Variants in RPP21 observed in about 807,000 individuals in gnomAD.
RPP21 encodes ribonuclease P protein subunit p21.
Under a neutral mutation model 19.0 loss-of-function variants are expected in RPP21, and 21 were observed. That is an observed-to-expected ratio of 1.11 (90% CI 0.78 to 1.59). The LOEUF is 1.59. RPP21 is among the 40% of genes most tolerant of loss of function. The pLI, the probability that RPP21 is intolerant of heterozygous loss-of-function variation, is 0.00. For missense variants in RPP21, 215 were observed against 200.2 expected (o/e 1.07, Z -0.45); for synonymous variants, 93 against 78.7 (o/e 1.18, Z -0.96).
In RPP21 at chr6:30,345,539, C is replaced by T. The variant is rs766801815; in HGVS notation, c.207C>T (p.Leu69=). 109 of 1,584,124 alleles carry T rather than the reference C, an allele frequency of 6.9e-5. No individual in the cohort carries two copies. Among genetic ancestry groups the T allele is most frequent in the African/African-American group, 6.3e-4 (47 of 74,060 alleles). The change falls in exon 3 of 5, where the codon CTC becomes CTT. Residue 69 remains leucine (L), a synonymous_variant. Transcript: ENST00000442966. ...TCTGTCGAGGCTGCTCTTCCCTCCTCGTCCCGGGCCTCACCTGCACCCAGC... is the reference window on the plus strand; with the variant it reads ...TCTGTCGAGGCTGCTCTTCCCTCCTTGTCCCGGGCCTCACCTGCACCCAGC... The part of the protein sequence containing the change: ...RTLCRGCSSL[L]VPGLTCTQRQ...
chr6:30,345,765 G>T, intron 3 of RPP21, 192 bp downstream of exon 3: 1 of 662,636 alleles, frequency 1.5e-6, no homozygotes, highest in East Asian at 3.2e-5. Flanking sequence ...CTAGGGTTTG[G>T]GCTCGGCTGT....
chr6:30,346,010 T>G lies in RPP21; in HGVS notation c.242-422T>G. 1 of 229,432 alleles carries G rather than the reference T, an allele frequency of 4.4e-6. No homozygotes were observed. The highest frequency in any genetic ancestry group is 5.1e-5 in the Admixed American group (1 of 19,470). 14.2% of individuals were successfully genotyped at this position (229,432 alleles called of 1,614,324 possible). ...AGAAACAAAATGGTGTAGAAAAAGA[T>G]TAACTGGGGGAGTAGAATGCTCACT... is the stretch of plus-strand genomic sequence containing the variant. On this transcript the variant is annotated intron_variant, in intron 3 of 4. Coordinates refer to ENST00000442966, the MANE Select transcript of RPP21 (RefSeq NM_024839.4). The surrounding 1 kb of genome is among the most constrained non-coding windows in gnomAD (Gnocchi z 4.7).
chr6:30,346,529 G>A lies in RPP21; in HGVS notation c.339G>A (p.Arg113=), dbSNP rs1203277133. Reference sequence around the variant, plus strand: ...CCGGGCATTTACTCTGGGGAGACAGGCCTGAGGCCCAGCTCGGGAGCCAAG... The same window carrying A: ...CCGGGCATTTACTCTGGGGAGACAGACCTGAGGCCCAGCTCGGGAGCCAAG... ...NDPGHLLWGD[R]PEAQLGSQAD... is the part of the protein sequence containing the mutation. The change falls in exon 4 of 5, where the codon AGG becomes AGA. Residue 113 remains arginine, a synonymous_variant. Transcript: ENST00000442966. The surrounding 1 kb of genome is among the most constrained non-coding windows in gnomAD (Gnocchi z 4.7). The A allele has an allele frequency of 6.2e-7, 1 of 1,614,024 alleles. No individual in the cohort carries two copies. The highest frequency in any genetic ancestry group is 8.5e-7 in the Non-Finnish European group (1 of 1,180,024).
Position 30,346,314 on chromosome 6 carries a change from C to T in RPP21, c.242-118C>T. ...GGCCTGACACCATCAAATGTGCATTCAAATTGGGGGTGTGGTGGGGGAGCG... is the reference window on the plus strand; with the variant it reads ...GGCCTGACACCATCAAATGTGCATTTAAATTGGGGGTGTGGTGGGGGAGCG... On this transcript the variant is annotated intron_variant, in intron 3 of 4. Coordinates refer to ENST00000442966, the MANE Select transcript of RPP21 (RefSeq NM_024839.4). This position sits in a 1 kb window ranked among gnomAD's most constrained non-coding sequence, Gnocchi z 4.7. 1 of 1,511,520 alleles carries T rather than the reference C, an allele frequency of 6.6e-7. No homozygotes were observed. Among genetic ancestry groups the T allele is most frequent in the Non-Finnish European group, 8.9e-7 (1 of 1,119,892 alleles). 93.6% of individuals were successfully genotyped at this position (1,511,520 alleles called of 1,614,324 possible).
rs1395140419 is a variant in RPP21 at position 30,345,570 on chromosome 6, AGACGT to A, written c.241_241+4del. On this transcript the variant is annotated splice_donor_variant and coding_sequence_variant, in exon 3 of 5. Transcript: ENST00000442966. LOFTEE classifies it high-confidence loss of function. ...GGGCCTCACCTGCACCCAGCGCCAG[AGACGT>A]GAGTGCTCCAACGGAGGTGGAAGAC... 1 of 1,446,186 alleles carries A rather than the reference AGACGT, an allele frequency of 6.9e-7. No homozygotes were observed. Among genetic ancestry groups the A allele is most frequent in the South Asian group, 1.2e-5 (1 of 83,958 alleles). The allele number at this position is 1,446,186 out of a possible 1,614,324, so 89.6% of individuals were successfully genotyped here.
chr6:30,345,896 A>G (rs1788111112), intron 3 of RPP21: 5 of 355,492 alleles, frequency 1.4e-5, no homozygotes, highest in Middle Eastern at 1.5e-3. Flanking sequence ...CCATTCATTT[A>G]TTAAGCAAAT....
intron 3 of RPP21, 43 bp downstream of exon 3, chr6:30,345,616 G>T (rs1407784755): frequency 1.6e-5 from 24 of 1,471,546 alleles, no homozygotes; most frequent in Non-Finnish European, 2.0e-5. Context: ...AGCATTGGGG[G>T]CGCGGAGGGG....
chr6:30,346,034 C>T lies in RPP21; in HGVS notation c.242-398C>T, dbSNP rs1788123761. The T allele has an allele frequency of 4.2e-6, 1 of 239,444 alleles. No homozygotes were observed. The highest frequency in any genetic ancestry group is 2.3e-5 in the African/African-American group (1 of 43,962). The allele number at this position is 239,444 out of a possible 1,614,324, so 14.8% of individuals were successfully genotyped here. A position where few individuals can be genotyped will look rare whatever the true frequency, so the allele number is the denominator to read the frequency against. On this transcript the variant is annotated intron_variant, in intron 3 of 4. Transcript: ENST00000442966. The surrounding 1 kb of genome is among the most constrained non-coding windows in gnomAD (Gnocchi z 4.7). ...ATTAACTGGGGGAGTAGAATGCTCA[C>T]TTACTCATGCCAGTGGTGGCGAAGT...
At chr6:30,345,443 C>A in intron 2 of RPP21, 45 bp downstream of exon 2, 1 of 1,611,314 alleles carries the variant, frequency 6.2e-7, no homozygotes, top group Non-Finnish European at 8.5e-7. Context: ...GCGGGAGGAA[C>A]GCGAGAGGGA....
Position 30,345,557 on chromosome 6 carries a change from C to T in RPP21, c.225C>T (p.Cys75=). ...CSSLLVPGLT[C]TQRQRRCRGQ... is the part of the protein sequence containing the mutation. ...CCCTCCTCGTCCCGGGCCTCACCTG[C>T]ACCCAGCGCCAGAGACGTGAGTGCT... Residue 75 remains cysteine (C), a synonymous_variant, in exon 3 of 5, where the codon TGC becomes TGT. Transcript: ENST00000442966. 6.3e-7 allele frequency: 1 copy of T among 1,575,710 alleles called. No individual in the cohort carries two copies. The highest frequency in any genetic ancestry group is 8.6e-7 in the Non-Finnish European group (1 of 1,159,726).
At position 30,346,011 on chromosome 6, in the gene RPP21, T is replaced by G; in HGVS notation, c.242-421T>G. ...GAAACAAAATGGTGTAGAAAAAGAT[T>G]AACTGGGGGAGTAGAATGCTCACTT... On this transcript the variant is annotated intron_variant, in intron 3 of 4. Coordinates refer to ENST00000442966, the MANE Select transcript of RPP21 (RefSeq NM_024839.4). The surrounding 1 kb of genome is among the most constrained non-coding windows in gnomAD (Gnocchi z 4.7). 4.4e-6 allele frequency: 1 copy of G among 228,248 alleles called. No individual in the cohort carries two copies. Among genetic ancestry groups the G allele is most frequent in the Non-Finnish European group, 8.6e-6 (1 of 116,564 alleles). 14.1% of individuals were successfully genotyped at this position (228,248 alleles called of 1,614,324 possible).
chr6:30,346,119 CAA>C lies in RPP21; in HGVS notation c.242-312_242-311del, dbSNP rs955878437. ...CTAGGCATGTGTGCAGACTCTGAGACAAGAGAGCTTGTGGTGCTGTCAAAGAA... is the reference window on the plus strand; with the variant it reads ...CTAGGCATGTGTGCAGACTCTGAGACGAGAGCTTGTGGTGCTGTCAAAGAA... On this transcript the variant is annotated intron_variant, in intron 3 of 4. Transcript: ENST00000442966. The surrounding 1 kb of genome is among the most constrained non-coding windows in gnomAD (Gnocchi z 4.7). The C allele has an allele frequency of 3.6e-5, 12 of 332,722 alleles. No homozygotes were observed. Among genetic ancestry groups the C allele is most frequent in the African/African-American group, 2.1e-4 (10 of 47,546 alleles). 20.6% of individuals were successfully genotyped at this position (332,722 alleles called of 1,614,324 possible). A position where few individuals can be genotyped will look rare whatever the true frequency, so the allele number is the denominator to read the frequency against.
chr6:30,346,402 T>C lies in RPP21; in HGVS notation c.242-30T>C. ...AGCAAGAGACCGTTACTTCTAAACG[T>C]GGACAGTCTTTTTCCCATGTTCACC... is the stretch of plus-strand genomic sequence containing the variant. On this transcript the variant is annotated intron_variant, in intron 3 of 4. Coordinates refer to ENST00000442966, the MANE Select transcript of RPP21 (RefSeq NM_024839.4). This position sits in a 1 kb window ranked among gnomAD's most constrained non-coding sequence, Gnocchi z 4.7. The C allele has an allele frequency of 6.2e-7, 1 of 1,601,422 alleles. No individual in the cohort carries two copies. Among genetic ancestry groups the C allele is most frequent in the African/African-American group, 1.3e-5 (1 of 74,732 alleles).
intron 3 of RPP21, 61 bp downstream of exon 3, chr6:30,345,634 T>A (rs1343494876): frequency 2.1e-4 from 26 of 122,316 alleles, no homozygotes; most frequent in African/African-American, 9.9e-4. Context: ...GGGGGCGGGG[T>A]GGGGGGCGGG....
At position 30,345,283 on chromosome 6, in the gene RPP21, G is replaced by A; in HGVS notation, c.58-15G>A. 1 of 1,613,698 alleles carries A rather than the reference G, an allele frequency of 6.2e-7. No homozygotes were observed. ...CGGTGCTCGGCGTCCCAGAGTGACT[G>A]CTCCCCTCCCGCAGGCCGCCCATTG... On this transcript the variant is annotated splice_polypyrimidine_tract_variant and intron_variant, in intron 1 of 4. Coordinates refer to ENST00000442966, the MANE Select transcript of RPP21 (RefSeq NM_024839.4).
In RPP21 at chr6:30,346,407, A is replaced by T. The variant is rs777417510; in HGVS notation, c.242-25A>T. On this transcript the variant is annotated intron_variant, in intron 3 of 4. Coordinates refer to ENST00000442966, the MANE Select transcript of RPP21 (RefSeq NM_024839.4). This position sits in a 1 kb window ranked among gnomAD's most constrained non-coding sequence, Gnocchi z 4.7. Reference sequence around the variant, plus strand: ...GAGACCGTTACTTCTAAACGTGGACAGTCTTTTTCCCATGTTCACCCTAGG... The same window carrying T: ...GAGACCGTTACTTCTAAACGTGGACTGTCTTTTTCCCATGTTCACCCTAGG... 28 of 1,602,628 alleles carry T rather than the reference A, an allele frequency of 1.7e-5. No homozygotes were observed. The highest frequency in any genetic ancestry group is 9.4e-6 in the Non-Finnish European group (11 of 1,171,096).
In RPP21 at chr6:30,345,473, ATCC is replaced by A. The variant is rs751079446; in HGVS notation, c.159-11_159-9del. 2 of 1,610,550 alleles carry A rather than the reference ATCC, an allele frequency of 1.2e-6. No homozygotes were observed. Among genetic ancestry groups the A allele is most frequent in the African/African-American group, 1.3e-5 (1 of 74,928 alleles). On this transcript the variant is annotated splice_polypyrimidine_tract_variant and intron_variant, in intron 2 of 4. Transcript: ENST00000442966. ...GAGGGAGCGCGGGCGCCAGACCACT[ATCC>A]TCCTCCGCCCCCAGGGATCCCTCGG...
Position 30,345,593 on chromosome 6 carries a change from T to C in RPP21, c.241+20T>C. 3 of 1,268,246 alleles carry C rather than the reference T, an allele frequency of 2.4e-6. No homozygotes were observed. Among genetic ancestry groups the C allele is most frequent in the Non-Finnish European group, 3.0e-6 (3 of 985,602 alleles). The allele number at this position is 1,268,246 out of a possible 1,614,324, so 78.6% of individuals were successfully genotyped here. ...AGAGACGTGAGTGCTCCAACGGAGG[T>C]GGAAGACTGCGGAGCATTGGGGGCG... is the stretch of plus-strand genomic sequence containing the variant. On this transcript the variant is annotated intron_variant, in intron 3 of 4. Transcript: ENST00000442966.
At position 30,346,428 on chromosome 6, in the gene RPP21, C is replaced by G. The variant is rs925714157; in HGVS notation, c.242-4C>G. 6.2e-7 allele frequency: 1 copy of G among 1,613,012 alleles called. No homozygotes were observed. The highest frequency in any genetic ancestry group is 8.5e-7 in the Non-Finnish European group (1 of 1,179,272). ...GGACAGTCTTTTTCCCATGTTCACCCTAGGCTGCAGGGGACAGCGCTGGAC... is the reference window on the plus strand; with the variant it reads ...GGACAGTCTTTTTCCCATGTTCACCGTAGGCTGCAGGGGACAGCGCTGGAC... On this transcript the variant is annotated splice_polypyrimidine_tract_variant and splice_region_variant and intron_variant, in intron 3 of 4. Transcript: ENST00000442966. The surrounding 1 kb of genome is among the most constrained non-coding windows in gnomAD (Gnocchi z 4.7).
Sources: gnomAD v4.1 joint callset for allele counts on GRCh38, gnomAD v4.1.1 for gene constraint, Gnocchi (gnomAD v3.1) non-coding constraint, MANE v1.5 for transcripts, NCBI Gene and HGNC (gene_info 2026-07-23, HGNC 2026-07-21) for gene names.